The following KIF13A variants were observed in gnomAD, a reference collection of about 807,000 sequenced individuals.
KIF13A encodes kinesin family member 13A.
Under a neutral mutation model 212.2 loss-of-function variants are expected in KIF13A, and 79 were observed. The ratio of observed to expected loss-of-function variants is 0.37; its 90% CI spans 0.31 to 0.45. The LOEUF is 0.45. KIF13A is among the 20% of genes least tolerant of loss of function. KIF13A has a pLI of 1.00. For synonymous variants in KIF13A, 789 were observed against 808.6 expected (o/e 0.98, Z 0.41); for missense variants, 1,901 against 2,209.0 (o/e 0.86, Z 2.79).
In KIF13A at chr6:17,900,172, G is replaced by A. The variant is rs556104724; in HGVS notation, c.147-1992C>T. ...GTTATGATGAACCCAGTAACCCAAC[G>A]GGGCTGGGACAGACTAGGGGAATCC... On this transcript the variant is annotated intron_variant, in intron 2 of 38. Coordinates refer to ENST00000259711, the MANE Select transcript of KIF13A (RefSeq NM_022113.6). This position sits in a 1 kb window ranked among gnomAD's most constrained non-coding sequence, Gnocchi z 4.6. Among the ~76,000 whole-genome samples, 7 of 152,126 alleles carry A rather than the reference G, an allele frequency of 4.6e-5. No individual in the cohort carries two copies. Among genetic ancestry groups the A allele is most frequent in the East Asian group, 1.9e-4 (1 of 5,198 alleles).
At position 17,825,899 on chromosome 6, in the gene KIF13A, A is replaced by G; in HGVS notation, c.1655T>C (p.Leu552Ser). The G allele has an allele frequency of 6.2e-7, 1 of 1,614,002 alleles. No homozygotes were observed. The highest frequency in any genetic ancestry group is 8.5e-7 in the Non-Finnish European group (1 of 1,179,896). The change falls in exon 16 of 39, where the codon TTG becomes TCG. Residue 552 changes from leucine (L) to serine (S), a missense_variant. Transcript: ENST00000259711. This position sits in a 1 kb window ranked among gnomAD's most constrained non-coding sequence, Gnocchi z 4.5. ...GCCCGTTTCTTTTTCAAAGTCTTTC[A>G]ACCAATCTCGACGTTTCCTCTTAGG... The part of the protein sequence containing the change: ...NLPKRKRRDW[L>S]KDFEKETGPP...
At chr6:17,952,107 T>C (rs1013491725) in intron 2 of KIF13A, among the ~76,000 whole-genome samples, 1 of 151,792 alleles carries the variant, frequency 6.6e-6, no homozygotes, top group East Asian at 2.0e-4. Flanking sequence ...ATGGAGACCA[T>C]GCTGGTTAAC....
At chr6:17,767,929 G>T (rs996399900) in intron 38 of KIF13A, among the ~76,000 whole-genome samples, 48 of 152,218 alleles carry the variant, frequency 3.2e-4, no homozygotes, top group African/African-American at 1.2e-3. Flanking sequence ...AATCTACAAA[G>T]CCCCAAGAGA....
intron 3 of KIF13A, among the ~76,000 whole-genome samples, chr6:17,893,873 T>C (rs771062608): frequency 6.5e-5 from 9 of 138,500 alleles, no homozygotes; most frequent in Non-Finnish European, 1.2e-4. Flanking sequence ...AGAGTCTTGC[T>C]CTGTCGCCCA....
chr6:17,974,078 G>A (rs1167864622), intron 2 of KIF13A, among the ~76,000 whole-genome samples: 1 of 152,024 alleles, frequency 6.6e-6, no homozygotes, highest in Non-Finnish European at 1.5e-5. Context: ...TTAGGAACCT[G>A]GTTTTTTATT....
At position 17,977,684 on chromosome 6, in the gene KIF13A, ATTTG is replaced by A. The variant is rs529974205; in HGVS notation, c.146+9366_146+9369del. Among the ~76,000 whole-genome samples, 10 of 152,234 alleles carry A rather than the reference ATTTG, an allele frequency of 6.6e-5. No homozygotes were observed. In the South Asian group the frequency reaches 2.1e-3, roughly 32 times the overall value. On this transcript the variant is annotated intron_variant, in intron 2 of 38. Transcript: ENST00000259711. ...GGTAGAGGAAAAATAAGAATAACTG[ATTTG>A]TTTTTATTTGTTTTTAATTTTTTTA...
At chr6:17,955,591 T>C (rs1031404375) in intron 2 of KIF13A, among the ~76,000 whole-genome samples, 4 of 152,230 alleles carry the variant, frequency 2.6e-5, no homozygotes, top group Admixed American at 2.6e-4. Flanking sequence ...AAAGTAGCCA[T>C]TTCTGGGTTT....
chr6:17,852,058 A>G lies in KIF13A; in HGVS notation c.495-16T>C. 7.4e-7 allele frequency: 1 copy of G among 1,354,608 alleles called. No homozygotes were observed. The highest frequency in any genetic ancestry group is 9.9e-7 in the Non-Finnish European group (1 of 1,014,594). 83.9% of individuals were successfully genotyped at this position (1,354,608 alleles called of 1,614,324 possible). On this transcript the variant is annotated splice_polypyrimidine_tract_variant and intron_variant, in intron 6 of 38. Transcript: ENST00000259711. ...CTGTCTACTCCTGCGGGAGGGAGGA[A>G]AAAGGAATAAATGAATCACACCAAA...
chr6:17,987,379 A>C lies in KIF13A; in HGVS notation c.55+30T>G. On this transcript the variant is annotated intron_variant, in intron 1 of 38. Coordinates refer to ENST00000259711, the MANE Select transcript of KIF13A (RefSeq NM_022113.6). This position sits in a 1 kb window ranked among gnomAD's most constrained non-coding sequence, Gnocchi z 7.7. ...AGTTGCCCCCGCCCTCAGCCCGAGC[A>C]GAAATAAAAAAGAGCGGAAAGCTCC... The C allele has an allele frequency of 7.5e-7, 1 of 1,336,738 alleles. No individual in the cohort carries two copies. 82.8% of individuals were successfully genotyped at this position (1,336,738 alleles called of 1,614,324 possible).
In KIF13A at chr6:17,961,632, C is replaced by T. The variant is rs917695527; in HGVS notation, c.146+25422G>A. On this transcript the variant is annotated intron_variant, in intron 2 of 38. Coordinates refer to ENST00000259711, the MANE Select transcript of KIF13A (RefSeq NM_022113.6). The surrounding 1 kb of genome is among the most constrained non-coding windows in gnomAD (Gnocchi z 4.1). ...GGACAGAAAGATCCTTCACCCAGGG[C>T]TTAGTAAATAGAATAGCTATGTTCT... is the stretch of plus-strand genomic sequence containing the variant. Among the ~76,000 whole-genome samples the T allele has an allele frequency of 6.6e-6, 1 of 152,154 alleles. No homozygotes were observed. Among genetic ancestry groups the T allele is most frequent in the Non-Finnish European group, 1.5e-5 (1 of 68,024 alleles).
chr6:17,877,761 G>A (rs754266764), intron 3 of KIF13A, among the ~76,000 whole-genome samples: 11 of 149,848 alleles, frequency 7.3e-5, no homozygotes, highest in East Asian at 5.9e-4. Flanking sequence ...AGTGACATGC[G>A]TCATCCTAAA....
intron 4 of KIF13A, among the ~76,000 whole-genome samples, chr6:17,870,181 G>A (rs1359042152): frequency 6.6e-6 from 1 of 152,098 alleles, no homozygotes; most frequent in East Asian, 1.9e-4. Flanking sequence ...ATGATAATGG[G>A]AATATCTGAA....
At position 17,971,785 on chromosome 6, in the gene KIF13A, T is replaced by C. The variant is rs1329862872; in HGVS notation, c.146+15269A>G. Among the ~76,000 whole-genome samples the C allele has an allele frequency of 1.3e-5, 2 of 152,262 alleles. No individual in the cohort carries two copies. The highest frequency in any genetic ancestry group is 3.9e-4 in the East Asian group (2 of 5,190). On this transcript the variant is annotated intron_variant, in intron 2 of 38. Transcript: ENST00000259711. This position sits in a 1 kb window ranked among gnomAD's most constrained non-coding sequence, Gnocchi z 4.2. ...AAAGAGGCTGGGAACTCTCTGTTTA[T>C]CCAAATTTTTATTTCTACTGTTTTT... is the stretch of plus-strand genomic sequence containing the variant.
In KIF13A at chr6:17,777,688, CTTTA is replaced by C. The variant is rs1408214641; in HGVS notation, c.4093-338_4093-335del. On this transcript the variant is annotated intron_variant, in intron 33 of 38. Transcript: ENST00000259711. The surrounding 1 kb of genome is among the most constrained non-coding windows in gnomAD (Gnocchi z 4.4). ...CGTGAGCCACCGCACCCGGCCATTA[CTTTA>C]TTTTTTATTCTAATTATAAAAGTAA... 6.6e-6 allele frequency among the ~76,000 whole-genome samples: 1 copy of C among 152,080 alleles called. No individual in the cohort carries two copies. The highest frequency in any genetic ancestry group is 1.5e-5 in the Non-Finnish European group (1 of 68,018).
At chr6:17,761,572 A>G (rs1483946295), downstream of KIF13A, among the ~76,000 whole-genome samples, 3 of 152,048 alleles carry the variant, frequency 2.0e-5, no homozygotes, top group Non-Finnish European at 2.9e-5. Context: ...CAGTAGAGAC[A>G]GGGTTTCTCC....
At chr6:17,804,811 T>TAAAAAAAAAAAAAA (rs56785510) in intron 19 of KIF13A, among the ~76,000 whole-genome samples, 13 of 23,304 alleles carry the variant, frequency 5.6e-4, no homozygotes, top group South Asian at 2.4e-3. Flanking sequence ...CTGTCTCCAT[T>TAAAAAAAAAAAAAA]AAAAAAAAAA....
chr6:17,857,707 G>C (rs1013551070), intron 4 of KIF13A, among the ~76,000 whole-genome samples: 1 of 152,126 alleles, frequency 6.6e-6, no homozygotes, highest in Non-Finnish European at 1.5e-5. Context: ...CATATGGTGG[G>C]AGAATAAACG....
At chr6:17,832,217 T>C (rs2150373477) in intron 12 of KIF13A, among the ~76,000 whole-genome samples, 1 of 152,310 alleles carries the variant, frequency 6.6e-6, no homozygotes, top group African/African-American at 2.4e-5. Context: ...AAATATATAA[T>C]GTAGAGAAAT....
At chr6:17,945,961 T>G (rs937770990) in intron 2 of KIF13A, among the ~76,000 whole-genome samples, 1 of 152,192 alleles carries the variant, frequency 6.6e-6, no homozygotes, top group Non-Finnish European at 1.5e-5. Flanking sequence ...GATAATAGGT[T>G]ATCTTGATGG....
Sources: allele counts gnomAD v4.1 joint callset (sites outside exome capture counted in the v4.1 genomes callset), GRCh38; gene constraint gnomAD v4.1.1; non-coding constraint Gnocchi (gnomAD v3.1); transcripts MANE v1.5; gene names NCBI Gene and HGNC (gene_info 2026-07-23, HGNC 2026-07-21).